FRMPD3: variants seen among roughly 807,000 people sequenced by gnomAD.
The protein encoded by FRMPD3 is FERM and PDZ domain-containing protein 3.
Under a neutral mutation model 97.9 loss-of-function variants are expected in FRMPD3, and 42 were observed. The ratio of observed to expected loss-of-function variants is 0.43; its 90% CI spans 0.34 to 0.55. The LOEUF (loss-of-function observed/expected upper bound fraction) is 0.55, where lower values mean the gene tolerates loss of function less well. FRMPD3 is among the 20% of genes least tolerant of loss of function. FRMPD3 has a pLI of 0.03. For missense variants in FRMPD3, 1,303 were observed against 1,457.7 expected (o/e 0.89, Z 1.73); for synonymous variants, 577 against 581.1 (o/e 0.99, Z 0.10).
chrX:107,549,602 G>T (rs1010217299), intron 5 of FRMPD3, among the ~76,000 whole-genome samples: 12 of 111,772 alleles, frequency 1.1e-4, no homozygotes, highest in Admixed American at 8.5e-4. Context: ...TTGACAGGAC[G>T]TGATCTTGGC....
At chrX:107,451,107 A>C (rs1931280619) in intron 1 of FRMPD3, among the ~76,000 whole-genome samples, 1 of 112,114 alleles carries the variant, frequency 8.9e-6, no homozygotes, top group Non-Finnish European at 1.9e-5. Flanking sequence ...CCACCCTTGC[A>C]GCTGCAACTA....
intron 1 of FRMPD3, among the ~76,000 whole-genome samples, chrX:107,508,482 G>T (rs1204104387): frequency 1.8e-5 from 2 of 112,095 alleles, no homozygotes; most frequent in East Asian, 5.5e-4. Flanking sequence ...TCACATAGGT[G>T]CTTTGAAGTA....
intron 12 of FRMPD3, among the ~76,000 whole-genome samples, chrX:107,573,589 G>C (rs1285082644): frequency 9.0e-6 from 1 of 111,571 alleles, no homozygotes; most frequent in Non-Finnish European, 1.9e-5. Flanking sequence ...ACCTGTCTCT[G>C]GCCCCTTTCT....
At position 107,456,634 on chromosome X, in the gene FRMPD3, A is replaced by G. The variant is rs138709734; in HGVS notation, c.-8+6629A>G. Among the ~76,000 whole-genome samples, 3 of 112,397 alleles carry G rather than the reference A, an allele frequency of 2.7e-5. No homozygotes were observed. In the East Asian group the frequency reaches 8.4e-4, roughly 31 times the overall value. ...ATAATCATATGCCCTCAATTGTCTC[A>G]AAACATGTTTTACAGTTGGCTTGTT... On this transcript the variant is annotated intron_variant, in intron 1 of 14. Transcript: ENST00000683843.
chrX:107,555,152 A>G (rs1382348189), intron 8 of FRMPD3: 1 of 112,667 alleles, frequency 8.9e-6, no homozygotes, highest in Non-Finnish European at 1.9e-5. Context: ...TGGAGGGGGC[A>G]TACTCTAAGC....
rs1436126576 is a variant in FRMPD3, at chrX:107,601,459, A to G, written c.3420A>G (p.Ser1140=). 8.5e-7 allele frequency: 1 copy of G among 1,170,081 alleles called. No homozygotes were observed. Among genetic ancestry groups the G allele is most frequent in the African/African-American group, 1.8e-5 (1 of 55,688 alleles). The change falls in exon 15 of 15, where the codon TCA becomes TCG. Residue 1140 remains serine, a synonymous_variant. Transcript: ENST00000683843. ...CTCTGCAGAGCCCCAGCTGCCAGTC[A>G]AGAAGCCACAGCCCCAGCTGCCAGC... is the stretch of plus-strand genomic sequence containing the variant. ...PMALQSPSCQ[S]RSHSPSCQPH...
Position 107,603,336 on chromosome X carries a change from G to A in FRMPD3, c.5297G>A (p.Ser1766Asn), listed in dbSNP as rs1047094837. Residue 1766 changes from serine (S) to asparagine (N), a missense_variant, in exon 15 of 15, where the codon AGC becomes AAC. By Grantham distance (46) the Ser-to-Asn change is conservative. This residue lies in a region of FRMPD3 where 764 missense variants were observed against 820.2 expected (regional missense o/e 0.93). Coordinates refer to ENST00000683843, the MANE Select transcript of FRMPD3 (RefSeq NM_001388459.1). ...PGSPTSATVMSTFTHSLKTLI... is the reference protein window; with the variant it reads ...PGSPTSATVMNTFTHSLKTLI... ...TCCCCAACTTCGGCGACTGTTATGAGCACATTCACCCACTCCTTAAAAACC... is the reference window on the plus strand; with the variant it reads ...TCCCCAACTTCGGCGACTGTTATGAACACATTCACCCACTCCTTAAAAACC... The A allele has an allele frequency of 7.1e-6, 8 of 1,132,794 alleles. No individual in the cohort carries two copies. Among genetic ancestry groups the A allele is most frequent in the Non-Finnish European group, 8.2e-6 (7 of 857,880 alleles). The allele number at this position is 1,132,794 out of a possible 1,213,427, so 93.4% of individuals were successfully genotyped here.
At chrX:107,530,592 C>G (rs1355295053) in intron 3 of FRMPD3, 81 bp downstream of exon 3, 6 of 697,550 alleles carry the variant, frequency 8.6e-6, no homozygotes, top group South Asian at 5.1e-5. Flanking sequence ...ACTATCCCCC[C>G]CTCGCTCTGA....
intron 7 of FRMPD3, 103 bp downstream of exon 7, chrX:107,553,029 T>G: frequency 1.1e-6 from 1 of 901,470 alleles, no homozygotes; most frequent in Non-Finnish European, 1.5e-6. Flanking sequence ...CTCAGCCGGT[T>G]CCCAGAAGTC....
chrX:107,600,631 G>C lies in FRMPD3; in HGVS notation c.2592G>C (p.Glu864Asp), dbSNP rs199655203. 67 of 1,206,918 alleles carry C rather than the reference G, an allele frequency of 5.6e-5. 1 individual carries two copies. The Admixed American group carries it at 1.4e-3, about 25-fold the overall frequency. ...PGARRKLPQS[E>D]GQVQGERTYS... ...CTCGGAGGAAGCTGCCCCAGTCAGA[G>C]GGCCAGGTACAGGGAGAACGAACAT... The change falls in exon 15 of 15, where the codon GAG becomes GAC. Residue 864 changes from glutamate to aspartate, a missense_variant. This residue lies in a region of FRMPD3 where 764 missense variants were observed against 820.2 expected (regional missense o/e 0.93). Coordinates refer to ENST00000683843, the MANE Select transcript of FRMPD3 (RefSeq NM_001388459.1).
At chrX:107,486,560 C>T (rs1250141428) in intron 1 of FRMPD3, among the ~76,000 whole-genome samples, 2 of 112,403 alleles carry the variant, frequency 1.8e-5, no homozygotes, top group Admixed American at 1.9e-4. Context: ...TTTCTTTGCA[C>T]GTGGATATCC....
intron 12 of FRMPD3, among the ~76,000 whole-genome samples, chrX:107,570,183 G>A (rs961572825): frequency 7.2e-5 from 7 of 97,618 alleles, no homozygotes; most frequent in Non-Finnish European, 1.4e-4. Flanking sequence ...GAGGGAGGAA[G>A]GGGGGAGCGG....
At chrX:107,544,096 A>G (rs1233796701) in intron 4 of FRMPD3, among the ~76,000 whole-genome samples, 1 of 111,572 alleles carries the variant, frequency 9.0e-6, no homozygotes, top group Non-Finnish European at 1.9e-5. Context: ...CTTGGAAGAC[A>G]TTATCCTAAG....
intron 4 of FRMPD3, among the ~76,000 whole-genome samples, chrX:107,538,016 G>A (rs1325776257): frequency 9.0e-6 from 1 of 111,430 alleles, no homozygotes; most frequent in Non-Finnish European, 1.9e-5. Context: ...AGGGGGCAGT[G>A]CAGTGTAGTG....
rs1436521658 is a variant in FRMPD3, at chrX:107,603,318, C to A, written c.5279C>A (p.Thr1760Asn). The part of the protein sequence containing the change: ...AATEHPPGSP[T>N]SATVMSTFTH... Reference sequence around the variant, plus strand: ...ACAGAGCATCCACCAGGCTCCCCAACTTCGGCGACTGTTATGAGCACATTC... The same window carrying A: ...ACAGAGCATCCACCAGGCTCCCCAAATTCGGCGACTGTTATGAGCACATTC... Residue 1760 changes from threonine to asparagine, a missense_variant, in exon 15 of 15, where the codon ACT (threonine) becomes AAT (asparagine). Physicochemically the swap from Thr to Asn is moderately conservative, Grantham distance 65. Around this residue, in one of 3 missense-constraint regions of FRMPD3, gnomAD observed 764 missense variants for 820.2 expected, o/e 0.93. Transcript: ENST00000683843. 1 of 1,106,933 alleles carries A rather than the reference C, an allele frequency of 9.0e-7. No homozygotes were observed. The highest frequency in any genetic ancestry group is 3.1e-5 in the Admixed American group (1 of 32,761). The allele number at this position is 1,106,933 out of a possible 1,213,427, so 91.2% of individuals were successfully genotyped here.
intron 13 of FRMPD3, among the ~76,000 whole-genome samples, chrX:107,587,589 G>A (rs1345197436): frequency 2.7e-5 from 3 of 111,439 alleles, no homozygotes; most frequent in Non-Finnish European, 5.7e-5. Context: ...GGCTGGTACC[G>A]GTTTTTCCTT....
chrX:107,554,287 C>A (rs1193853258), intron 7 of FRMPD3, 98 bp from the exon 8 acceptor site: 4 of 935,328 alleles, frequency 4.3e-6, no homozygotes, highest in Non-Finnish European at 5.9e-6. Flanking sequence ...TAGCTCTGCC[C>A]CAAGCCCCAC....
chrX:107,501,401 G>A (rs1321742906), intron 1 of FRMPD3, among the ~76,000 whole-genome samples: 1 of 70,366 alleles, frequency 1.4e-5, no homozygotes, highest in East Asian at 4.4e-4. Context: ...TCGCTCTGTC[G>A]CCCAGGCCGG....
intron 13 of FRMPD3, among the ~76,000 whole-genome samples, chrX:107,595,820 C>T (rs1924143106): frequency 9.2e-6 from 1 of 109,266 alleles, no homozygotes; most frequent in Admixed American, 9.8e-5. Context: ...CGCCTGTAAT[C>T]CTGGCTACTC....
Sources: allele counts gnomAD v4.1 joint callset (sites outside exome capture counted in the v4.1 genomes callset), GRCh38; gene constraint gnomAD v4.1.1; regional missense constraint gnomAD v4.1.1; transcripts MANE v1.5; gene names NCBI Gene and HGNC (gene_info 2026-07-23, HGNC 2026-07-21).